Variants in RAPGEF5 observed in about 807,000 individuals in gnomAD.
RAPGEF5 encodes the protein Rap guanine nucleotide exchange factor 5.
Under a neutral mutation model 125.2 loss-of-function variants are expected in RAPGEF5, and 65 were observed. That is an observed-to-expected ratio of 0.52 (90% confidence interval 0.43 to 0.64). The LOEUF (loss-of-function observed/expected upper bound fraction) is 0.64. RAPGEF5 is among the 30% of genes least tolerant of loss of function. The pLI is 0.00. For missense variants in RAPGEF5, 958 were observed against 1,048.1 expected (o/e 0.91, Z 1.19); for synonymous variants, 391 against 385.9 (o/e 1.01, Z -0.16).
At chr7:22,129,345 G>A (rs912558542) in intron 24 of RAPGEF5, among the ~76,000 whole-genome samples, 2 of 152,146 alleles carry the variant, frequency 1.3e-5, no homozygotes, top group South Asian at 4.2e-4. Context: ...CAGGGGAAAG[G>A]ATTACTAGGC....
chr7:22,254,335 A>C (rs981009519), intron 7 of RAPGEF5, among the ~76,000 whole-genome samples: 1 of 151,820 alleles, frequency 6.6e-6, no homozygotes, highest in African/African-American at 2.4e-5. Context: ...AAGGCCGGGC[A>C]TGGTGGCTTA....
At chr7:22,222,513 A>G (rs1785816562) in intron 8 of RAPGEF5, among the ~76,000 whole-genome samples, 1 of 152,162 alleles carries the variant, frequency 6.6e-6, no homozygotes, top group South Asian at 2.1e-4. Flanking sequence ...AGCAAGTACA[A>G]GGGCCCTAAT....
intron 6 of RAPGEF5, among the ~76,000 whole-genome samples, chr7:22,290,731 C>T (rs1376951710): frequency 7.9e-6 from 1 of 126,842 alleles, no homozygotes; most frequent in African/African-American, 3.2e-5. Flanking sequence ...GGCGACAGAG[C>T]GAGACTCCGT....
chr7:22,241,776 G>A (rs1786337875), intron 7 of RAPGEF5, among the ~76,000 whole-genome samples: 1 of 152,124 alleles, frequency 6.6e-6, no homozygotes, highest in African/African-American at 2.4e-5. Flanking sequence ...CCTGCCACTG[G>A]GGTAGAGTGG....
At chr7:22,184,965 CAGTT>C (rs1210968137) in intron 11 of RAPGEF5, among the ~76,000 whole-genome samples, 5 of 152,008 alleles carry the variant, frequency 3.3e-5, no homozygotes, top group Admixed American at 6.6e-5. Flanking sequence ...CTTTTTGAAG[CAGTT>C]AGCTCATCCA....
chr7:22,283,471 T>C (rs1782722326), intron 6 of RAPGEF5, among the ~76,000 whole-genome samples: 1 of 152,172 alleles, frequency 6.6e-6, no homozygotes, highest in African/African-American at 2.4e-5. Flanking sequence ...TACAAAGCTA[T>C]AACACTGACA....
At chr7:22,151,805 A>G (rs1383209937) in intron 17 of RAPGEF5, among the ~76,000 whole-genome samples, 1 of 152,180 alleles carries the variant, frequency 6.6e-6, no homozygotes, top group African/African-American at 2.4e-5. Flanking sequence ...GCTAATACAA[A>G]AAGTAGATTC....
intron 6 of RAPGEF5, among the ~76,000 whole-genome samples, chr7:22,274,999 G>A (rs756140428): frequency 1.3e-5 from 2 of 152,110 alleles, no homozygotes; most frequent in African/African-American, 2.4e-5. Flanking sequence ...ATCCATGCTC[G>A]AAGCTTATTA....
intron 9 of RAPGEF5, among the ~76,000 whole-genome samples, chr7:22,214,452 G>A (rs181097172): frequency 1.3e-5 from 2 of 152,040 alleles, no homozygotes; most frequent in African/African-American, 4.8e-5. Context: ...AGCTATTGTT[G>A]GTATTTCTAA....
intron 5 of RAPGEF5, 23 bp downstream of exon 5, chr7:22,308,316 G>A: frequency 6.4e-7 from 1 of 1,562,342 alleles, no homozygotes; most frequent in Non-Finnish European, 8.7e-7. Context: ...AGAATACAAT[G>A]GCACAAGAGA....
In RAPGEF5 at chr7:22,184,983, G is replaced by A. The variant is rs1047180673; in HGVS notation, c.1204+8384C>T. On this transcript the variant is annotated intron_variant, in intron 11 of 25. Transcript: ENST00000665637. ...TTTGAAGCAGTTAGCTCATCCAGTGGCCATTCTGCTCACAGCTGGAATCCA... is the reference window on the plus strand; with the variant it reads ...TTTGAAGCAGTTAGCTCATCCAGTGACCATTCTGCTCACAGCTGGAATCCA... Among the ~76,000 whole-genome samples, 3 of 152,160 alleles carry A rather than the reference G, an allele frequency of 2.0e-5. No homozygotes were observed. In the South Asian group the frequency reaches 6.2e-4, roughly 32 times the overall value.
intron 5 of RAPGEF5, among the ~76,000 whole-genome samples, chr7:22,299,137 G>T (rs1783137320): frequency 7.1e-6 from 1 of 140,172 alleles, no homozygotes; most frequent in Admixed American, 7.2e-5. Context: ...GTTTTTCTTT[G>T]GCTAGCTTTC....
chr7:22,356,296 G>A (rs1201789690), intron 1 of RAPGEF5: 1 of 976,860 alleles, frequency 1.0e-6, no homozygotes, highest in Non-Finnish European at 1.2e-6. Context: ...GGAGACACCG[G>A]AACCCAGGAA....
intron 16 of RAPGEF5, among the ~76,000 whole-genome samples, chr7:22,155,015 G>A (rs1783760205): frequency 6.6e-6 from 1 of 152,158 alleles, no homozygotes; most frequent in South Asian, 2.1e-4. Context: ...ATATTAAAGT[G>A]TCTAATTCAT....
chr7:22,164,793 A>G (rs1339892981), intron 12 of RAPGEF5, among the ~76,000 whole-genome samples: 1 of 152,212 alleles, frequency 6.6e-6, no homozygotes, highest in Non-Finnish European at 1.5e-5. Context: ...AATGCACAGA[A>G]TATTAGCTGG....
At chr7:22,294,559 C>A (rs559170706) in intron 5 of RAPGEF5, among the ~76,000 whole-genome samples, 6 of 152,266 alleles carry the variant, frequency 3.9e-5, no homozygotes, top group African/African-American at 1.4e-4. Flanking sequence ...CCACTCCTAC[C>A]CAAAAGGAAA....
intron 7 of RAPGEF5, among the ~76,000 whole-genome samples, chr7:22,247,326 G>A (rs777283901): frequency 1.2e-4 from 19 of 152,220 alleles, no homozygotes; most frequent in Middle Eastern, 3.4e-3. Context: ...ATGGTGATGC[G>A]GTTTTGCTGC....
At chr7:22,346,259 T>G (rs1468751594) in intron 1 of RAPGEF5, among the ~76,000 whole-genome samples, 4 of 152,214 alleles carry the variant, frequency 2.6e-5, no homozygotes, top group Non-Finnish European at 5.9e-5. Flanking sequence ...CATGCAGCCC[T>G]TAAGTGGTAA....
intron 18 of RAPGEF5, among the ~76,000 whole-genome samples, chr7:22,149,095 C>G (rs1464833707): frequency 6.6e-6 from 1 of 152,154 alleles, no homozygotes; most frequent in African/African-American, 2.4e-5. Flanking sequence ...AGCACTCTCC[C>G]TGACTTGGCT....
Sources: gnomAD v4.1 joint callset for allele counts (sites outside exome capture counted in the v4.1 genomes callset) on GRCh38, gnomAD v4.1.1 for gene constraint, MANE v1.5 for transcripts, NCBI Gene and HGNC (gene_info 2026-07-23, HGNC 2026-07-21) for gene names.